IL2RB: variants seen among roughly 807,000 people sequenced by gnomAD.
IL2RB encodes the protein interleukin-2 receptor subunit beta.
IL2RB carries 17 observed loss-of-function variants against 44.2 expected under a neutral mutation model. The observed-to-expected ratio is 0.38, with a 90% CI of 0.26 to 0.58. IL2RB has a LOEUF of 0.58. Ranked by LOEUF, IL2RB falls within the 20% of genes least tolerant of loss-of-function variation. The probability of loss-of-function intolerance (pLI) is 0.63; values close to 1 mark genes in which losing one functional copy is unlikely to be tolerated. For synonymous variants in IL2RB, 286 were observed against 297.9 expected (o/e 0.96, Z 0.41); for missense variants, 624 against 685.5 (o/e 0.91, Z 1.00).
chr22:37,145,179 G>A (rs1351737368), intron 1 of IL2RB, among the ~76,000 whole-genome samples: 1 of 152,150 alleles, frequency 6.6e-6, no homozygotes, highest in African/African-American at 2.4e-5. Flanking sequence ...AAACACTGAA[G>A]AGCCCTAGAG....
chr22:37,153,353 C>T (rs1467669137), upstream of IL2RB, among the ~76,000 whole-genome samples: 2 of 152,154 alleles, frequency 1.3e-5, no homozygotes, highest in Admixed American at 6.5e-5. Flanking sequence ...GTGCAAAGCC[C>T]GCTGCTGGAA....
chr22:37,159,443 G>A (rs1042952048), intron 1 of IL2RB, among the ~76,000 whole-genome samples: 3 of 152,092 alleles, frequency 2.0e-5, no homozygotes, highest in African/African-American at 7.2e-5. Flanking sequence ...CTGAGAACAG[G>A]GGACCCTGAA....
intron 1 of IL2RB, among the ~76,000 whole-genome samples, chr22:37,166,560 C>T (rs1046449821): frequency 2.6e-5 from 4 of 152,218 alleles, no homozygotes; most frequent in Non-Finnish European, 5.9e-5. Flanking sequence ...TCCACGACAC[C>T]TTCTCCCCCA....
chr22:37,166,681 T>C (rs1923092406), intron 1 of IL2RB: 1 of 152,112 alleles, frequency 6.6e-6, no homozygotes, highest in Non-Finnish European at 1.5e-5. Flanking sequence ...CAATGACAGG[T>C]GGGCCCAGAA....
At chr22:37,172,098 G>C (rs185276905) in intron 1 of IL2RB, among the ~76,000 whole-genome samples, 19 of 151,652 alleles carry the variant, frequency 1.3e-4, no homozygotes, top group African/African-American at 4.6e-4. Context: ...GAAATGACCT[G>C]TTACTGCTTT....
At chr22:37,143,412 C>CCATTAG in intron 3 of IL2RB, 109 bp downstream of exon 3, 1 of 696,822 alleles carries the variant, frequency 1.4e-6, no homozygotes, top group Non-Finnish European at 2.5e-6. Flanking sequence ...TCTGTGGGTC[C>CCATTAG]CATTAGTCCA....
At chr22:37,136,467 C>CA (rs1921707290) in intron 6 of IL2RB, 74 bp from the exon 7 acceptor site, 40 of 1,163,664 alleles carry the variant, frequency 3.4e-5, no homozygotes, top group Non-Finnish European at 4.4e-5. Context: ...CATCACAGAA[C>CA]CCCCCCCCAA....
chr22:37,126,928 G>A lies in IL2RB; in HGVS notation c.*1168C>T, dbSNP rs1921144552. On this transcript the variant is annotated 3_prime_UTR_variant, in exon 10 of 10. Transcript: ENST00000216223. ...GTTCATCCAGGGTATACGACGGGGT[G>A]TTGGGCACTGTGTCTGGGGCAGTGA... The A allele has an allele frequency of 6.6e-6, 1 of 152,242 alleles. No homozygotes were observed. Among genetic ancestry groups the A allele is most frequent in the African/African-American group, 2.4e-5 (1 of 41,412 alleles). 9.4% of individuals were successfully genotyped at this position (152,242 alleles called of 1,614,324 possible).
In IL2RB at chr22:37,128,511, TC is replaced by T; in HGVS notation, c.1240del (p.Glu414ArgfsTer118). On this transcript the variant is annotated frameshift_variant, in exon 10 of 10. Coordinates refer to ENST00000216223, the MANE Select transcript of IL2RB (RefSeq NM_000878.5). LOFTEE classifies it low-confidence loss of function (END_TRUNC). The surrounding 1 kb of genome is among the most constrained non-coding windows in gnomAD (Gnocchi z 4.5). ...SPQPLQPLSG[E>X]DDAYCTFPSR... ...GGGGAAGGTGCAGTAGGCGTCGTCCTCCCCTGACAGAGGCTGCAGGGGTTGG... is the reference window on the plus strand; with the variant it reads ...GGGGAAGGTGCAGTAGGCGTCGTCCTCCCTGACAGAGGCTGCAGGGGTTGG... The T allele has an allele frequency of 6.2e-7, 1 of 1,611,082 alleles. No homozygotes were observed.
intron 1 of IL2RB, chr22:37,166,808 C>T (rs1923098245): frequency 6.6e-6 from 1 of 152,170 alleles, no homozygotes. Flanking sequence ...TGCTGCCTCC[C>T]CGGGAGTCGC....
intron 8 of IL2RB, among the ~76,000 whole-genome samples, chr22:37,134,977 C>A (rs1015326556): frequency 2.0e-5 from 3 of 152,142 alleles, no homozygotes; most frequent in African/African-American, 4.8e-5. Flanking sequence ...CATGTGCACA[C>A]GGGCATCCCC....
At chr22:37,165,706 A>T (rs7288048) in intron 1 of IL2RB, among the ~76,000 whole-genome samples, 18,490 of 150,756 alleles carry the variant, frequency 0.12, 2,311 homozygotes, top group African/African-American at 0.32. Context: ...AATTTAATTT[A>T]ATTTTATTAT....
intron 5 of IL2RB, 95 bp from the exon 6 acceptor site, chr22:37,137,830 C>T: frequency 1.8e-6 from 2 of 1,127,688 alleles, no homozygotes; most frequent in Non-Finnish European, 2.6e-6. Context: ...ATGCTACCAC[C>T]TCCCCTACCC....
At chr22:37,172,465 C>T (rs1353113958) in intron 1 of IL2RB, among the ~76,000 whole-genome samples, 4 of 152,242 alleles carry the variant, frequency 2.6e-5, no homozygotes, top group African/African-American at 7.2e-5. Flanking sequence ...CGTCAACCAT[C>T]CAATAGGGCC....
At chr22:37,157,685 A>C (rs929022) in intron 1 of IL2RB, among the ~76,000 whole-genome samples, 40,415 of 152,030 alleles carry the variant, frequency 0.27, 5,606 homozygotes, top group Non-Finnish European at 0.32. Context: ...CCTGATCTCC[A>C]ATTCTGGCCA....
At chr22:37,149,197 C>T (rs1472662856) in intron 1 of IL2RB, among the ~76,000 whole-genome samples, 1 of 152,164 alleles carries the variant, frequency 6.6e-6, no homozygotes, top group Non-Finnish European at 1.5e-5. Flanking sequence ...GGTCCCATCC[C>T]CAATGTCCGG....
chr22:37,143,943 G>T, intron 2 of IL2RB, 142 bp downstream of exon 2: 1 of 1,063,148 alleles, frequency 9.4e-7, no homozygotes, highest in Non-Finnish European at 1.4e-6. Flanking sequence ...ATGCATGCCA[G>T]GGCAGGGGTC....
chr22:37,148,761 C>T (rs953331351), intron 1 of IL2RB, among the ~76,000 whole-genome samples: 3 of 152,112 alleles, frequency 2.0e-5, no homozygotes, highest in African/African-American at 4.8e-5. Context: ...GGGTCAACCT[C>T]TCACCCAGGC....
chr22:37,174,330 T>G (rs1387271970), intron 1 of IL2RB, among the ~76,000 whole-genome samples: 1 of 152,210 alleles, frequency 6.6e-6, no homozygotes, highest in South Asian at 2.1e-4. Flanking sequence ...ACTTTAGAGA[T>G]AACATTCATA....
Sources: allele counts gnomAD v4.1 joint callset (sites outside exome capture counted in the v4.1 genomes callset), GRCh38; gene constraint gnomAD v4.1.1; non-coding constraint Gnocchi (gnomAD v3.1); transcripts MANE v1.5; gene names NCBI Gene and HGNC (gene_info 2026-07-23, HGNC 2026-07-21).